The following RBFOX1 variants were observed in gnomAD, a reference collection of about 807,000 sequenced individuals.
The protein encoded by RBFOX1 is RNA binding fox-1 homolog 1.
In RBFOX1, 8 loss-of-function variants were observed where a neutral mutation model predicts 57.7. The ratio of observed to expected loss-of-function variants is 0.14; its 90% CI spans 0.08 to 0.25. The LOEUF (loss-of-function observed/expected upper bound fraction) is 0.25. RBFOX1 is among the 10% of genes least tolerant of loss of function. The pLI, the probability that RBFOX1 is intolerant of heterozygous loss-of-function variation, is 1.00. For missense variants in RBFOX1, 611 were observed against 548.5 expected, an observed-to-expected ratio of 1.11 and a Z score of -1.14; for synonymous variants, 326 against 222.4, an observed-to-expected ratio of 1.47 and a Z score of -4.15.
At chr16:5,607,780 G>A (rs764409065) in intron 3 of RBFOX1, among the ~76,000 whole-genome samples, 1 of 152,090 alleles carries the variant, frequency 6.6e-6, no homozygotes, top group Non-Finnish European at 1.5e-5. Context: ...TCTATAAATG[G>A]ACCCCTGCAG....
At chr16:5,293,883 C>T (rs545892357) in intron 1 of RBFOX1, among the ~76,000 whole-genome samples, 1 of 152,130 alleles carries the variant, frequency 6.6e-6, no homozygotes, top group Non-Finnish European at 1.5e-5. Context: ...TTTAATGATA[C>T]TGAAGTGTAT....
intron 3 of RBFOX1, among the ~76,000 whole-genome samples, chr16:6,961,197 A>G (rs1434408130): frequency 6.8e-6 from 1 of 147,100 alleles, no homozygotes; most frequent in Non-Finnish European, 1.5e-5. Flanking sequence ...AAGAAAGATT[A>G]AATGCATGGG....
intron 2 of RBFOX1, among the ~76,000 whole-genome samples, chr16:6,432,491 G>T (rs923452231): frequency 2.1e-4 from 32 of 150,458 alleles, no homozygotes; most frequent in Non-Finnish European, 4.1e-4. Flanking sequence ...GGCCAACAGG[G>T]TGTAACCTCA....
chr16:7,367,762 G>A (rs2097483845), intron 4 of RBFOX1, among the ~76,000 whole-genome samples: 1 of 152,138 alleles, frequency 6.6e-6, no homozygotes, highest in Admixed American at 6.5e-5. Flanking sequence ...TGCAGGCTCT[G>A]CGTTGTCAGA....
intron 4 of RBFOX1, among the ~76,000 whole-genome samples, chr16:5,945,316 G>A (rs1020099242): frequency 5.3e-5 from 8 of 152,174 alleles, no homozygotes; most frequent in African/African-American, 1.4e-4. Flanking sequence ...AGTCATCATC[G>A]TTGAGGAACA....
intron 4 of RBFOX1, among the ~76,000 whole-genome samples, chr16:5,920,065 C>T (rs1303226926): frequency 3.9e-5 from 6 of 152,316 alleles, no homozygotes; most frequent in Middle Eastern, 3.4e-3. Flanking sequence ...TCCCGAGTAG[C>T]GGGGACTACA....
At chr16:7,222,587 C>T (rs1440153654) in intron 4 of RBFOX1, among the ~76,000 whole-genome samples, 1 of 152,300 alleles carries the variant, frequency 6.6e-6, no homozygotes, top group Non-Finnish European at 1.5e-5. Context: ...GCTGTTGTTC[C>T]TGCCTGGGTT....
chr16:6,762,032 T>C (rs1160177149), intron 3 of RBFOX1, among the ~76,000 whole-genome samples: 5 of 152,126 alleles, frequency 3.3e-5, no homozygotes, highest in South Asian at 4.1e-4. Flanking sequence ...AGATGAAATA[T>C]AGTGTAGATG....
chr16:6,176,472 AT>A (rs1425506354), intron 1 of RBFOX1, among the ~76,000 whole-genome samples: 5 of 151,710 alleles, frequency 3.3e-5, no homozygotes, highest in Non-Finnish European at 7.4e-5. Context: ...GGATTGAGGA[AT>A]TTAGTTAAAG....
At chr16:5,265,261 C>T (rs1333587265) in intron 1 of RBFOX1, among the ~76,000 whole-genome samples, 2 of 152,290 alleles carry the variant, frequency 1.3e-5, no homozygotes, top group Admixed American at 1.3e-4. Context: ...TTTCCCCTTC[C>T]ACATTCCATG....
At chr16:7,277,432 C>G (rs1396258597) in intron 4 of RBFOX1, among the ~76,000 whole-genome samples, 2 of 152,160 alleles carry the variant, frequency 1.3e-5, no homozygotes, top group East Asian at 1.9e-4. Flanking sequence ...ATTCTCTGTG[C>G]CACCAGAAGA....
intron 4 of RBFOX1, among the ~76,000 whole-genome samples, chr16:7,420,580 G>T (rs1194800235): frequency 6.6e-6 from 1 of 151,832 alleles, no homozygotes; most frequent in Non-Finnish European, 1.5e-5. Flanking sequence ...TTTATTATTT[G>T]TATCTTTTTT....
At chr16:5,670,342 A>G (rs2049980348) in intron 3 of RBFOX1, among the ~76,000 whole-genome samples, 1 of 152,210 alleles carries the variant, frequency 6.6e-6, no homozygotes, top group Non-Finnish European at 1.5e-5. Flanking sequence ...GTCAAAATAA[A>G]TATTAACCCA....
chr16:5,853,267 C>T (rs1176101007), intron 3 of RBFOX1, among the ~76,000 whole-genome samples: 1 of 152,112 alleles, frequency 6.6e-6, no homozygotes, highest in Non-Finnish European at 1.5e-5. Context: ...GTCTTCCAGC[C>T]AGACAACCCT....
At chr16:5,304,589 T>C (rs1264659932) in intron 1 of RBFOX1, among the ~76,000 whole-genome samples, 27 of 152,216 alleles carry the variant, frequency 1.8e-4, no homozygotes, top group Admixed American at 1.8e-3. Context: ...TAAATATCTA[T>C]TAAGCTCCTT....
chr16:7,094,537 A>G (rs924708641), intron 4 of RBFOX1, among the ~76,000 whole-genome samples: 1 of 151,806 alleles, frequency 6.6e-6, no homozygotes, highest in African/African-American at 2.4e-5. Flanking sequence ...TCTTCTCCTG[A>G]TGTTATCATT....
intron 3 of RBFOX1, among the ~76,000 whole-genome samples, chr16:5,721,730 A>G (rs1462837692): frequency 6.6e-6 from 1 of 152,144 alleles, no homozygotes. Context: ...TAATCATGAC[A>G]TTTTGGTTCT....
intron 1 of RBFOX1, among the ~76,000 whole-genome samples, chr16:6,027,193 G>T (rs2095212976): frequency 6.6e-6 from 1 of 152,170 alleles, no homozygotes; most frequent in Admixed American, 6.5e-5. Flanking sequence ...GACACTCACT[G>T]GAAGCTCCTT....
chr16:7,066,505 T>C (rs2056075570), intron 4 of RBFOX1, among the ~76,000 whole-genome samples: 2 of 152,178 alleles, frequency 1.3e-5, no homozygotes, highest in Admixed American at 6.5e-5. Flanking sequence ...TAGTTAGAAA[T>C]TTAAATAGCT....
Sources: allele counts gnomAD v4.1 joint callset (sites outside exome capture counted in the v4.1 genomes callset), GRCh38; gene constraint gnomAD v4.1.1; transcripts MANE v1.5; gene names NCBI Gene and HGNC (gene_info 2026-07-23, HGNC 2026-07-21).